Variants in RFFL observed in about 807,000 individuals in gnomAD.
RFFL encodes ring finger and FYVE like domain containing E3 ubiquitin protein ligase, also known as E3 ubiquitin-protein ligase rififylin.
In RFFL, 16 loss-of-function variants were observed where a neutral mutation model predicts 40.4. The observed-to-expected ratio is 0.40, with a 90% confidence interval of 0.27 to 0.60. The LOEUF is 0.60. RFFL is among the 20% of genes least tolerant of loss of function. The pLI, the probability that RFFL is intolerant of heterozygous loss-of-function variation, is 0.47. For missense variants in RFFL, 367 were observed against 451.7 expected (o/e 0.81, Z 1.70); for synonymous variants, 154 against 167.9 (o/e 0.92, Z 0.64).
rs1032274211 is a variant in RFFL, at chr17:35,011,647, G to C, written c.*321C>G. ...TGGGTACAGGAGGAGGGGTGAAACTGTCTAGGTTCAGGGAGGAAGACAGGA... is the reference window on the plus strand; with the variant it reads ...TGGGTACAGGAGGAGGGGTGAAACTCTCTAGGTTCAGGGAGGAAGACAGGA... On this transcript the variant is annotated 3_prime_UTR_variant, in exon 7 of 7. Transcript: ENST00000394597. The C allele has an allele frequency of 3.6e-6, 1 of 280,904 alleles. No homozygotes were observed. Among genetic ancestry groups the C allele is most frequent in the East Asian group, 8.1e-5 (1 of 12,346 alleles). The allele number at this position is 280,904 out of a possible 1,614,324, so 17.4% of individuals were successfully genotyped here.
At chr17:35,056,916 CTTT>C (rs2091264865) in intron 1 of RFFL, among the ~76,000 whole-genome samples, 1 of 144,834 alleles carries the variant, frequency 6.9e-6, no homozygotes, top group Non-Finnish European at 1.5e-5. Context: ...TTTTTTTTTT[CTTT>C]TTCTTTTTTT....
intron 1 of RFFL, among the ~76,000 whole-genome samples, chr17:35,030,391 G>C (rs917209117): frequency 1.3e-5 from 2 of 151,396 alleles, no homozygotes; most frequent in African/African-American, 4.9e-5. Context: ...ATTCTAACTG[G>C]TGTGAGATGG....
intron 1 of RFFL, among the ~76,000 whole-genome samples, chr17:35,059,658 G>C (rs1304412244): frequency 6.6e-6 from 1 of 152,140 alleles, no homozygotes; most frequent in Admixed American, 6.5e-5. Flanking sequence ...ATTCTTTCTC[G>C]TATTCATCAA....
At position 35,069,882 on chromosome 17, in the gene RFFL, C is replaced by T. The variant is rs866397439; in HGVS notation, c.-9+19223G>A. 4.0e-5 allele frequency among the ~76,000 whole-genome samples: 6 copies of T among 151,844 alleles called. No homozygotes were observed. In the South Asian group the frequency reaches 8.3e-4, roughly 21 times the overall value. ...AACAGACAAGGGTTGGAGAAAGGAA[C>T]CCAAAGCTCCATCCCAGGTCCTAAA... On this transcript the variant is annotated intron_variant, in intron 1 of 6. Coordinates refer to the RFFL transcript ENST00000315249.
intron 1 of RFFL, among the ~76,000 whole-genome samples, chr17:35,076,506 C>T (rs2091377225): frequency 6.6e-6 from 1 of 151,662 alleles, no homozygotes; most frequent in Middle Eastern, 3.4e-3. Context: ...CATGGAGAAA[C>T]CCCATCTACT....
chr17:35,071,629 A>C (rs1567716462), intron 1 of RFFL, among the ~76,000 whole-genome samples: 1 of 152,154 alleles, frequency 6.6e-6, no homozygotes, highest in Non-Finnish European at 1.5e-5. Context: ...CCAAAAAAAA[A>C]AAAAGTTTAG....
intron 1 of RFFL, among the ~76,000 whole-genome samples, chr17:35,050,605 C>T (rs913313688): frequency 6.6e-6 from 1 of 151,812 alleles, no homozygotes; most frequent in Non-Finnish European, 1.5e-5. Flanking sequence ...GCGATCCTCC[C>T]GCCTCAGCTT....
chr17:35,059,933 T>G (rs2091282163), intron 1 of RFFL, among the ~76,000 whole-genome samples: 1 of 152,224 alleles, frequency 6.6e-6, no homozygotes, highest in Admixed American at 6.5e-5. Flanking sequence ...TGCCAATATC[T>G]AACAGAGATT....
upstream of RFFL, among the ~76,000 whole-genome samples, chr17:35,065,688 T>C (rs984410225): frequency 1.3e-5 from 2 of 151,922 alleles, no homozygotes; most frequent in Non-Finnish European, 2.9e-5. Flanking sequence ...AGAAACACCA[T>C]TGAGCAAGTG....
intron 1 of RFFL, among the ~76,000 whole-genome samples, chr17:35,031,449 A>C (rs1247136685): frequency 6.6e-6 from 1 of 152,030 alleles, no homozygotes; most frequent in Non-Finnish European, 1.5e-5. Flanking sequence ...TTCATGATGC[A>C]TGCAACTTTT....
intron 1 of RFFL, among the ~76,000 whole-genome samples, chr17:35,083,083 G>T (rs2091410409): frequency 6.6e-6 from 1 of 152,222 alleles, no homozygotes. Flanking sequence ...AAAGGCTTCA[G>T]CTGTGTAGAA....
intron 1 of RFFL, among the ~76,000 whole-genome samples, chr17:35,031,422 G>A (rs1220271922): frequency 2.0e-5 from 3 of 151,946 alleles, no homozygotes; most frequent in Non-Finnish European, 4.4e-5. Context: ...ACTAACTTCT[G>A]TTAAACTCTC....
At chr17:35,014,137 G>A (rs2090958426) in intron 6 of RFFL, among the ~76,000 whole-genome samples, 2 of 152,148 alleles carry the variant, frequency 1.3e-5, no homozygotes, top group African/African-American at 4.8e-5. Flanking sequence ...CCCACAGATG[G>A]TCAGGAGTTC....
At chr17:35,031,679 CTT>C (rs1176493570) in intron 1 of RFFL, among the ~76,000 whole-genome samples, 1 of 151,946 alleles carries the variant, frequency 6.6e-6, no homozygotes, top group Non-Finnish European at 1.5e-5. Flanking sequence ...CCAGAGAAGA[CTT>C]TTCAAATGAG....
Sources: gnomAD v4.1 joint callset for allele counts (sites outside exome capture counted in the v4.1 genomes callset) on GRCh38, gnomAD v4.1.1 for gene constraint, MANE v1.5 for transcripts, NCBI Gene and HGNC (gene_info 2026-07-23, HGNC 2026-07-21) for gene names.